The following AGBL1 variants were observed in gnomAD, a reference collection of about 807,000 sequenced individuals.
AGBL1 encodes AGBL carboxypeptidase 1.
In AGBL1, 130 loss-of-function variants were observed where a neutral mutation model predicts 118.9. The observed-to-expected ratio is 1.09, with a 90% CI of 0.95 to 1.26. The LOEUF is 1.26. AGBL1 is among the 50% of genes most tolerant of loss of function. AGBL1 has a pLI of 0.00. For synonymous variants in AGBL1, 555 were observed against 478.9 expected (o/e 1.16, Z -2.08); for missense variants, 1,584 against 1,298.1 (o/e 1.22, Z -3.38).
intron 22 of AGBL1, among the ~76,000 whole-genome samples, chr15:86,873,343 A>G (rs567920601): frequency 6.6e-6 from 1 of 152,312 alleles, no homozygotes; most frequent in African/African-American, 2.4e-5. Flanking sequence ...GTTAGATACC[A>G]TTGAATGCCA....
chr15:86,838,941 T>TAAAAAAAAAAAAAAAAA (rs386383698), intron 22 of AGBL1, among the ~76,000 whole-genome samples: 2 of 48,004 alleles, frequency 4.2e-5, no homozygotes, highest in African/African-American at 9.0e-5. Context: ...TGAGATCCTG[T>TAAAAAAAAAAAAAAAAA]AAAAAAAAAA....
At chr15:86,179,214 A>T (rs1383184878) in intron 5 of AGBL1, among the ~76,000 whole-genome samples, 1 of 152,262 alleles carries the variant, frequency 6.6e-6, no homozygotes, top group Non-Finnish European at 1.5e-5. Flanking sequence ...AGAGCACAGA[A>T]GAACAATATA....
At chr15:87,023,627 G>T (rs923949426) in intron 24 of AGBL1, among the ~76,000 whole-genome samples, 1 of 151,908 alleles carries the variant, frequency 6.6e-6, no homozygotes, top group Non-Finnish European at 1.5e-5. Flanking sequence ...ACCCTAGAAC[G>T]AATGGACTTA....
chr15:86,445,036 CCTGT>C (rs2082105614), intron 18 of AGBL1, among the ~76,000 whole-genome samples: 1 of 152,154 alleles, frequency 6.6e-6, no homozygotes, highest in South Asian at 2.1e-4. Context: ...GTTGTCTTTG[CCTGT>C]CTGAGTTGGG....
chr15:86,728,462 G>A lies in AGBL1; in HGVS notation c.3158+54026G>A, dbSNP rs139804431. On this transcript the variant is annotated intron_variant, in intron 22 of 22. Transcript: ENST00000614907. Reference sequence around the variant, plus strand: ...TAGAACGAGGCATTCCAAGTCCTCAGTCAGACAGGTGGCCCCATAGGTATC... The same window carrying A: ...TAGAACGAGGCATTCCAAGTCCTCAATCAGACAGGTGGCCCCATAGGTATC... Among the ~76,000 whole-genome samples, 331 of 152,272 alleles carry A rather than the reference G, an allele frequency of 2.2e-3. 5 individuals carry two copies. Among genetic ancestry groups the A allele is most frequent in the African/African-American group, 7.8e-3 (323 of 41,548 alleles).
At chr15:86,674,558 C>A in intron 22 of AGBL1, 122 bp downstream of exon 22, 1 of 1,009,906 alleles carries the variant, frequency 9.9e-7, no homozygotes, top group African/African-American at 1.6e-5. Context: ...GAAGAATTCC[C>A]AAGTAAAGGT....
chr15:86,679,433 T>C (rs1395469033), intron 22 of AGBL1, among the ~76,000 whole-genome samples: 1 of 152,138 alleles, frequency 6.6e-6, no homozygotes, highest in Non-Finnish European at 1.5e-5. Context: ...TATATTTATT[T>C]GTAACTTCAG....
intron 17 of AGBL1, among the ~76,000 whole-genome samples, chr15:86,383,789 T>C (rs1421591948): frequency 6.6e-6 from 1 of 152,168 alleles, no homozygotes; most frequent in African/African-American, 2.4e-5. Flanking sequence ...CAGAGCCTGC[T>C]TCCTCAAGGA....
intron 22 of AGBL1, among the ~76,000 whole-genome samples, chr15:86,870,611 C>A (rs1378995168): frequency 6.6e-6 from 1 of 151,518 alleles, no homozygotes; most frequent in Admixed American, 6.6e-5. Context: ...TTCCTGGGAG[C>A]CTTGAGATTT....
chr15:86,998,192 G>A (rs1263895473), intron 24 of AGBL1, among the ~76,000 whole-genome samples: 1 of 152,104 alleles, frequency 6.6e-6, no homozygotes, highest in Non-Finnish European at 1.5e-5. Context: ...TTGCTGTTAT[G>A]TAATAAAATA....
intron 1 of AGBL1, among the ~76,000 whole-genome samples, chr15:86,116,951 C>CTT (rs35297740): frequency 4.0e-4 from 56 of 139,710 alleles, no homozygotes; most frequent in South Asian, 1.2e-3. Context: ...CTTTTCTTTT[C>CTT]TTTTTTTTTT....
chr15:86,949,221 T>C (rs74027185), intron 23 of AGBL1, among the ~76,000 whole-genome samples: 346 of 152,306 alleles, frequency 2.3e-3, no homozygotes, highest in African/African-American at 7.7e-3. Flanking sequence ...TAGAACAGAT[T>C]GCAGCAGACC....
chr15:86,575,852 C>T (rs529517916), intron 21 of AGBL1, among the ~76,000 whole-genome samples: 1 of 152,300 alleles, frequency 6.6e-6, no homozygotes, highest in South Asian at 2.1e-4. Flanking sequence ...CCACCTTGGC[C>T]TCTCAAATTG....
intron 23 of AGBL1, among the ~76,000 whole-genome samples, chr15:86,950,847 A>C (rs189227921): frequency 3.9e-4 from 59 of 152,258 alleles, no homozygotes; most frequent in African/African-American, 1.4e-3. Flanking sequence ...ATCATCAGTG[A>C]AATGTAAGTA....
intron 13 of AGBL1, among the ~76,000 whole-genome samples, chr15:86,269,077 C>A (rs774535329): frequency 5.9e-5 from 9 of 152,030 alleles, no homozygotes; most frequent in Non-Finnish European, 1.2e-4. Flanking sequence ...GGGAGAGGAT[C>A]CCTGAGGGCC....
chr15:86,671,497 T>C (rs1026138523), intron 21 of AGBL1, among the ~76,000 whole-genome samples: 16 of 152,206 alleles, frequency 1.1e-4, no homozygotes, highest in African/African-American at 3.4e-4. Context: ...ATTTTATTTA[T>C]ACTCACTTTT....
chr15:86,708,006 T>G (rs984697967), intron 22 of AGBL1, among the ~76,000 whole-genome samples: 1 of 152,168 alleles, frequency 6.6e-6, no homozygotes, highest in African/African-American at 2.4e-5. Context: ...ACATTCCATT[T>G]AACTTGTTGC....
chr15:86,082,227 C>T (rs1045265319), intron 1 of AGBL1, among the ~76,000 whole-genome samples: 1 of 152,208 alleles, frequency 6.6e-6, no homozygotes, highest in Non-Finnish European at 1.5e-5. Flanking sequence ...ATTTGATGTC[C>T]TGTCCCCATC....
At chr15:86,898,063 C>T (rs1356091920) in intron 22 of AGBL1, among the ~76,000 whole-genome samples, 1 of 152,066 alleles carries the variant, frequency 6.6e-6, no homozygotes, top group Admixed American at 6.6e-5. Context: ...TGAGCCACTG[C>T]ACCTGGCCCT....
Sources: gnomAD v4.1 joint callset for allele counts (sites outside exome capture counted in the v4.1 genomes callset) on GRCh38, gnomAD v4.1.1 for gene constraint, MANE v1.5 for transcripts, NCBI Gene and HGNC (gene_info 2026-07-23, HGNC 2026-07-21) for gene names.